TFDP2: variants seen among roughly 807,000 people sequenced by gnomAD.
TFDP2 encodes transcription factor Dp-2 (E2F dimerization partner 2).
A neutral mutation model predicts 59.3 loss-of-function variants in TFDP2; 17 were observed. That is an observed-to-expected ratio of 0.29 (90% CI 0.20 to 0.43). The LOEUF (loss-of-function observed/expected upper bound fraction) is 0.43. TFDP2 is among the 20% of genes least tolerant of loss of function. TFDP2 has a pLI of 1.00. For synonymous variants in TFDP2, 180 were observed against 194.7 expected (o/e 0.92, Z 0.63); for missense variants, 391 against 528.8 (o/e 0.74, Z 2.56).
chr3:141,984,239 C>A (rs146374340), intron 6 of TFDP2, among the ~76,000 whole-genome samples: 1 of 152,274 alleles, frequency 6.6e-6, no homozygotes, highest in South Asian at 2.1e-4. Context: ...TGGTGGCTCA[C>A]ACCTGTAATC....
chr3:142,117,283 T>G (rs2061881879), intron 1 of TFDP2, among the ~76,000 whole-genome samples: 1 of 152,092 alleles, frequency 6.6e-6, no homozygotes, highest in South Asian at 2.1e-4. Flanking sequence ...ACTCCAATTC[T>G]CCTCCTCACC....
chr3:142,057,247 C>T (rs530966561), intron 3 of TFDP2, among the ~76,000 whole-genome samples: 73 of 152,176 alleles, frequency 4.8e-4, no homozygotes, highest in Non-Finnish European at 7.6e-4. Context: ...TATAGCATGT[C>T]CTTTCTGAAA....
At chr3:142,139,387 G>GATCCATAA (rs2062853759) in intron 1 of TFDP2, among the ~76,000 whole-genome samples, 1 of 152,206 alleles carries the variant, frequency 6.6e-6, no homozygotes, top group South Asian at 2.1e-4. Flanking sequence ...ATATTGTTAT[G>GATCCATAA]TGTGGATTTG....
At chr3:142,045,154 CTT>C (rs566115352) in intron 3 of TFDP2, among the ~76,000 whole-genome samples, 17 of 137,728 alleles carry the variant, frequency 1.2e-4, no homozygotes, top group Non-Finnish European at 1.4e-4. Flanking sequence ...AATCTCTTTC[CTT>C]TTTTTTTTTT....
intron 6 of TFDP2, among the ~76,000 whole-genome samples, chr3:141,980,378 C>G (rs1941348839): frequency 1.3e-5 from 2 of 151,806 alleles, no homozygotes; most frequent in South Asian, 2.1e-4. Flanking sequence ...TCATCTCAAG[C>G]CTTTATTGTT....
chr3:141,997,332 C>A (rs1943359524), intron 4 of TFDP2, among the ~76,000 whole-genome samples: 1 of 152,154 alleles, frequency 6.6e-6, no homozygotes, highest in Non-Finnish European at 1.5e-5. Context: ...CCAATCACTA[C>A]ATCACATTCT....
At chr3:141,969,809 G>A (rs1017371541) in intron 9 of TFDP2, among the ~76,000 whole-genome samples, 2 of 152,168 alleles carry the variant, frequency 1.3e-5, no homozygotes, top group Admixed American at 1.3e-4. Flanking sequence ...GTTTAGAGAG[G>A]CCTGAGTGTC....
intron 3 of TFDP2, among the ~76,000 whole-genome samples, chr3:142,051,437 GC>G (rs770768138): frequency 2.0e-5 from 3 of 152,064 alleles, no homozygotes; most frequent in Non-Finnish European, 4.4e-5. Context: ...TACTCGGGAG[GC>G]TGAAGCGGGA....
intron 3 of TFDP2, among the ~76,000 whole-genome samples, chr3:142,022,184 C>T (rs1270641973): frequency 6.6e-6 from 1 of 152,120 alleles, no homozygotes; most frequent in African/African-American, 2.4e-5. Flanking sequence ...AGATTCACTA[C>T]AAAGGGAAGA....
chr3:142,123,103 A>G (rs759824327), intron 1 of TFDP2, among the ~76,000 whole-genome samples: 2 of 152,016 alleles, frequency 1.3e-5, no homozygotes, highest in Non-Finnish European at 2.9e-5. Flanking sequence ...CTGAAATTAC[A>G]GGCGCGCACC....
At chr3:142,084,602 G>A (rs2060747531) in intron 3 of TFDP2, among the ~76,000 whole-genome samples, 1 of 152,014 alleles carries the variant, frequency 6.6e-6, no homozygotes. Context: ...AATGGATAAA[G>A]AAAATGTGGT....
At chr3:142,134,914 T>C (rs2062663379) in intron 1 of TFDP2, among the ~76,000 whole-genome samples, 1 of 152,098 alleles carries the variant, frequency 6.6e-6, no homozygotes, top group South Asian at 2.1e-4. Context: ...TACTATCACT[T>C]TTATTCTCAA....
intron 3 of TFDP2, among the ~76,000 whole-genome samples, chr3:142,036,086 G>T (rs1946683420): frequency 6.6e-6 from 1 of 152,018 alleles, no homozygotes; most frequent in South Asian, 2.1e-4. Flanking sequence ...TCATATACTA[G>T]TCCATTTGTG....
chr3:142,082,863 C>T (rs912117920), intron 3 of TFDP2, among the ~76,000 whole-genome samples: 7 of 151,958 alleles, frequency 4.6e-5, no homozygotes, highest in Admixed American at 1.3e-4. Flanking sequence ...ACAGAAGGAA[C>T]GTACCTCAAC....
rs1290305288 is a variant in TFDP2, at chr3:141,945,127, T to G, written c.*7386A>C. 3 of 152,376 alleles carry G rather than the reference T, an allele frequency of 2.0e-5. No individual in the cohort carries two copies. The highest frequency in any genetic ancestry group is 7.2e-5 in the African/African-American group (3 of 41,436). The allele number at this position is 152,376 out of a possible 1,614,324, so 9.4% of individuals were successfully genotyped here. ...CCTAGTGGTTTGGGCTCATGGCCCT[T>G]TACCCACCTTTTTTTTTTGAGATGG... On this transcript the variant is annotated 3_prime_UTR_variant, in exon 13 of 13. Transcript: ENST00000489671.
intron 7 of TFDP2, among the ~76,000 whole-genome samples, chr3:141,976,222 C>T (rs575995172): frequency 7.0e-4 from 107 of 152,170 alleles, no homozygotes; most frequent in African/African-American, 2.4e-3. Context: ...ACTAATATAT[C>T]TAATCTGAGT....
At chr3:142,135,276 T>C (rs1348205468) in intron 1 of TFDP2, among the ~76,000 whole-genome samples, 1 of 152,148 alleles carries the variant, frequency 6.6e-6, no homozygotes, top group Non-Finnish European at 1.5e-5. Context: ...AGAACTATTA[T>C]GTTTTTATTT....
chr3:142,028,951 TTAAAG>T (rs1406879211), intron 3 of TFDP2: 1 of 153,708 alleles, frequency 6.5e-6, no homozygotes, highest in East Asian at 1.9e-4. Flanking sequence ...ATAAAAATGC[TTAAAG>T]TAAAAAGGGT....
intron 3 of TFDP2, among the ~76,000 whole-genome samples, chr3:142,075,871 C>A (rs1175274944): frequency 2.1e-5 from 3 of 145,944 alleles, no homozygotes; most frequent in Non-Finnish European, 4.5e-5. Context: ...CATGTCACTG[C>A]ACTCCAGCCT....
Sources: allele counts gnomAD v4.1 joint callset (sites outside exome capture counted in the v4.1 genomes callset), GRCh38; gene constraint gnomAD v4.1.1; transcripts MANE v1.5; gene names NCBI Gene and HGNC (gene_info 2026-07-23, HGNC 2026-07-21).